MAGEA8: variants seen among roughly 807,000 people sequenced by gnomAD.
The protein encoded by MAGEA8 is MAGE family member A8.
For missense variants in MAGEA8, 229 were observed against 251.1 expected, an observed-to-expected ratio of 0.91 and a Z score of 0.59; for synonymous variants, 104 against 102.6, an observed-to-expected ratio of 1.01 and a Z score of -0.08.
chrX:149,883,139 G>A (rs1385149628), intron 1 of MAGEA8: 4 of 112,376 alleles, frequency 3.6e-5, no homozygotes, highest in Admixed American at 2.8e-4. Context: ...GAGAGCATGA[G>A]CAGGACTATC....
rs1016439013 is a variant in MAGEA8, at chrX:149,885,779, T to C, written c.*550T>C. ...TTAGTGTACCCTATGTACCTGAATT[T>C]GCTTGGCTTCTTTGAGAATGAAATT... On this transcript the variant is annotated 3_prime_UTR_variant, in exon 3 of 3. Coordinates refer to ENST00000286482, the MANE Select transcript of MAGEA8 (RefSeq NM_005364.5). 3.9e-5 allele frequency: 5 copies of C among 128,950 alleles called. No homozygotes were observed. The highest frequency in any genetic ancestry group is 1.6e-4 in the African/African-American group (5 of 31,313). The allele number at this position is 128,950 out of a possible 1,213,427, so 10.6% of individuals were successfully genotyped here. A position where few individuals can be genotyped will look rare whatever the true frequency, so the allele number is the denominator to read the frequency against.
rs1290301126 is a variant in MAGEA8, at chrX:149,885,403, G to A, written c.*174G>A. ...TAGTGGGGAGCATGTTGGGTGTGAGGGAACACAGTGTGGACCATCTCTCAG... is the reference window on the plus strand; with the variant it reads ...TAGTGGGGAGCATGTTGGGTGTGAGAGAACACAGTGTGGACCATCTCTCAG... On this transcript the variant is annotated 3_prime_UTR_variant, in exon 3 of 3. Coordinates refer to ENST00000286482, the MANE Select transcript of MAGEA8 (RefSeq NM_005364.5). 2.4e-6 allele frequency: 1 copy of A among 414,213 alleles called. No homozygotes were observed. The highest frequency in any genetic ancestry group is 2.5e-5 in the African/African-American group (1 of 40,483). The allele number at this position is 414,213 out of a possible 1,213,427, so 34.1% of individuals were successfully genotyped here. A position where few individuals can be genotyped will look rare whatever the true frequency, so the allele number is the denominator to read the frequency against.
At position 149,884,305 on chromosome X, in the gene MAGEA8, G is replaced by A; in HGVS notation, c.33G>A (p.Lys11=). Residue 11 remains lysine (K), a synonymous_variant, in exon 3 of 3, where the codon AAG becomes AAA. Transcript: ENST00000286482. MLLGQKSQRY[K]AEEGLQAQGE... is the part of the protein sequence containing the mutation. The stretch of plus-strand genomic sequence containing the variant: ...TTGGGCAGAAGAGTCAGCGCTACAA[G>A]GCTGAGGAAGGCCTTCAGGCCCAAG... The A allele has an allele frequency of 3.3e-6, 4 of 1,202,303 alleles. No individual in the cohort carries two copies. The highest frequency in any genetic ancestry group is 4.5e-6 in the Non-Finnish European group (4 of 890,762).
chrX:149,884,158 T>TCCAGGGTGTAGTAC (rs2090746096), intron 2 of MAGEA8, 24 bp downstream of exon 2: 8 of 556,589 alleles, frequency 1.4e-5, no homozygotes, highest in African/African-American at 2.3e-5. Context: ...TGTTAGGGCA[T>TCCAGGGTGTAGTAC]CCAGGGTGTA....
Position 149,884,392 on chromosome X carries a change from C to A in MAGEA8, c.120C>A (p.Ser40=). The A allele has an allele frequency of 8.3e-7, 1 of 1,210,291 alleles. No individual in the cohort carries two copies. Among genetic ancestry groups the A allele is most frequent in the Non-Finnish European group, 1.1e-6 (1 of 894,276 alleles). ...IPTAEEQKAA[S]SSSTLIMGTL... ...CAGCTGAGGAGCAGAAGGCTGCATC[C>A]TCCTCCTCTACTCTGATCATGGGAA... is the stretch of plus-strand genomic sequence containing the variant. The change falls in exon 3 of 3, where the codon TCC becomes TCA. Residue 40 remains serine (S), a synonymous_variant. Transcript: ENST00000286482.
At chrX:149,881,381 G>A (rs1457231801) in intron 1 of MAGEA8, 96 bp downstream of exon 1, 1 of 111,905 alleles carries the variant, frequency 8.9e-6, no homozygotes, top group African/African-American at 3.2e-5. Context: ...GGACCACCAG[G>A]GGGCAGACTT....
At chrX:149,882,101 G>T (rs1397805975) in intron 1 of MAGEA8, among the ~76,000 whole-genome samples, 1 of 110,385 alleles carries the variant, frequency 9.1e-6, no homozygotes, top group Non-Finnish European at 1.9e-5. Context: ...GGAGAGAGGT[G>T]CCCCAGAGCC....
chrX:149,884,971 G>A lies in MAGEA8; in HGVS notation c.699G>A (p.Leu233=). The A allele has an allele frequency of 8.3e-7, 1 of 1,209,670 alleles. No homozygotes were observed. The highest frequency in any genetic ancestry group is 3.0e-5 in the East Asian group (1 of 33,801). ...AIWEALSVMG[L]YDGREHSVYW... ...GGGAAGCGTTGAGTGTGATGGGGCT[G>A]TATGATGGGAGGGAGCACAGTGTCT... is the stretch of plus-strand genomic sequence containing the variant. The change falls in exon 3 of 3, where the codon CTG becomes CTA. Residue 233 remains leucine, a synonymous_variant. Coordinates refer to ENST00000286482, the MANE Select transcript of MAGEA8 (RefSeq NM_005364.5).
In MAGEA8 at chrX:149,884,622, C is replaced by A; in HGVS notation, c.350C>A (p.Ala117Asp). 8.3e-7 allele frequency: 1 copy of A among 1,210,660 alleles called. No individual in the cohort carries two copies. Residue 117 changes from alanine to aspartate, a missense_variant, in exon 3 of 3, where the codon GCT becomes GAT. Ala to Asp is a moderately radical substitution (Grantham distance 126). Coordinates refer to ENST00000286482, the MANE Select transcript of MAGEA8 (RefSeq NM_005364.5). ...CGGGAAGCACTTGATGAGAAAGTGG[C>A]TGAGTTAGTTCGTTTCCTGCTCCGC... ...LFREALDEKV[A>D]ELVRFLLRKY...
chrX:149,885,251 A>G lies in MAGEA8; in HGVS notation c.*22A>G, dbSNP rs781804606. 36 of 1,134,110 alleles carry G rather than the reference A, an allele frequency of 3.2e-5. No individual in the cohort carries two copies. The highest frequency in any genetic ancestry group is 4.0e-5 in the Non-Finnish European group (34 of 842,966). 93.5% of individuals were successfully genotyped at this position (1,134,110 alleles called of 1,213,427 possible). A position where few individuals can be genotyped will look rare whatever the true frequency, so the allele number is the denominator to read the frequency against. On this transcript the variant is annotated 3_prime_UTR_variant, in exon 3 of 3. Transcript: ENST00000286482. ...TTGAGCAGGAGTTGCAGCTAGGGCC[A>G]GTGGGGCAGGTTGTGGGAGGGCCTG...
chrX:149,884,936 G>A lies in MAGEA8; in HGVS notation c.664G>A (p.Glu222Lys). 3.3e-6 allele frequency: 4 copies of A among 1,211,464 alleles called. No individual in the cohort carries two copies. Among genetic ancestry groups the A allele is most frequent in the Non-Finnish European group, 4.5e-6 (4 of 895,285 alleles). The change falls in exon 3 of 3, where the codon GAG becomes AAG. Residue 222 changes from glutamate (E) to lysine (K), a missense_variant. Transcript: ENST00000286482. ...ILMEGSRAPE[E>K]AIWEALSVMG... ...AATGGAGGGCAGCCGCGCCCCGGAG[G>A]AGGCAATCTGGGAAGCGTTGAGTGT... is the stretch of plus-strand genomic sequence containing the variant.
intron 1 of MAGEA8, among the ~76,000 whole-genome samples, 177 bp downstream of exon 1, chrX:149,881,462 G>A (rs782274037): frequency 8.9e-6 from 1 of 111,987 alleles, no homozygotes; most frequent in Admixed American, 9.3e-5. Flanking sequence ...AGCTTGGTGT[G>A]ACCAGAGCAG....
chrX:149,882,827 C>T (rs2090739015), intron 1 of MAGEA8, among the ~76,000 whole-genome samples: 1 of 111,009 alleles, frequency 9.0e-6, no homozygotes, highest in Admixed American at 9.5e-5. Context: ...ACCCACCACT[C>T]AAGAACAAGT....
At chrX:149,881,451 G>C (rs1164329141) in intron 1 of MAGEA8, among the ~76,000 whole-genome samples, 166 bp downstream of exon 1, 1 of 112,012 alleles carries the variant, frequency 8.9e-6, no homozygotes, top group African/African-American at 3.2e-5. Context: ...TCTGGAGTGA[G>C]AGCTTGGTGT....
Position 149,885,696 on chromosome X carries a change from A to C in MAGEA8, c.*467A>C, listed in dbSNP as rs782474650. On this transcript the variant is annotated 3_prime_UTR_variant, in exon 3 of 3. Coordinates refer to ENST00000286482, the MANE Select transcript of MAGEA8 (RefSeq NM_005364.5). ...GTGAAACAACATAGCAGTAAAATAC[A>C]TGAGATAAAGACATAAAGAAATTAA... 5.3e-6 allele frequency: 1 copy of C among 189,411 alleles called. No individual in the cohort carries two copies. Among genetic ancestry groups the C allele is most frequent in the Non-Finnish European group, 1.0e-5 (1 of 95,662 alleles). 15.6% of individuals were successfully genotyped at this position (189,411 alleles called of 1,213,427 possible).
At position 149,884,997 on chromosome X, in the gene MAGEA8, A is replaced by G. The variant is rs781921698; in HGVS notation, c.725A>G (p.Tyr242Cys). Residue 242 changes from tyrosine (Y) to cysteine (C), a missense_variant, in exon 3 of 3, where the codon TAT becomes TGT. Coordinates refer to ENST00000286482, the MANE Select transcript of MAGEA8 (RefSeq NM_005364.5). ...TATGATGGGAGGGAGCACAGTGTCT[A>G]TTGGAAGCTCAGGAAGCTGCTCACC... is the stretch of plus-strand genomic sequence containing the variant. ...GLYDGREHSVYWKLRKLLTQE... is the reference protein window; with the variant it reads ...GLYDGREHSVCWKLRKLLTQE... The G allele has an allele frequency of 2.5e-6, 3 of 1,208,932 alleles. No individual in the cohort carries two copies. The highest frequency in any genetic ancestry group is 3.4e-6 in the Non-Finnish European group (3 of 894,009).
At chrX:149,883,198 A>C (rs911412795) in intron 1 of MAGEA8, 1 of 112,059 alleles carries the variant, frequency 8.9e-6, no homozygotes, top group Non-Finnish European at 1.9e-5. Context: ...AGGGAGAAGA[A>C]GGCCTTGGTC....
In MAGEA8 at chrX:149,884,953, G is replaced by A. The variant is rs5983916; in HGVS notation, c.681G>A (p.Ala227=). Residue 227 remains alanine (A), a synonymous_variant, in exon 3 of 3, where the codon GCG becomes GCA. Coordinates refer to ENST00000286482, the MANE Select transcript of MAGEA8 (RefSeq NM_005364.5). ...SRAPEEAIWE[A]LSVMGLYDGR... is the part of the protein sequence containing the mutation. Reference sequence around the variant, plus strand: ...CCCCGGAGGAGGCAATCTGGGAAGCGTTGAGTGTGATGGGGCTGTATGATG... The same window carrying A: ...CCCCGGAGGAGGCAATCTGGGAAGCATTGAGTGTGATGGGGCTGTATGATG... 223,577 of 1,207,447 alleles carry A rather than the reference G, an allele frequency of 0.19. 14,837 individuals carry two copies. Among genetic ancestry groups the A allele is most frequent in the Middle Eastern group, 0.22 (966 of 4,346 alleles).
intron 1 of MAGEA8, among the ~76,000 whole-genome samples, chrX:149,881,696 C>T (rs1463507069): frequency 3.0e-5 from 3 of 98,394 alleles, no homozygotes; most frequent in Non-Finnish European, 4.2e-5. Context: ...CGTCCGCATC[C>T]GGGGCTGATG....
Sources: allele counts gnomAD v4.1 joint callset (sites outside exome capture counted in the v4.1 genomes callset), GRCh38; gene constraint gnomAD v4.1.1; transcripts MANE v1.5; gene names NCBI Gene and HGNC (gene_info 2026-07-23, HGNC 2026-07-21).